Variants in XKR6 observed in about 807,000 individuals in gnomAD.
The protein encoded by XKR6 is XK-related protein 6.
Under a neutral mutation model 56.7 loss-of-function variants are expected in XKR6, and 22 were observed. That is an observed-to-expected ratio of 0.39 (90% confidence interval 0.28 to 0.55). XKR6 has a LOEUF of 0.55. Among genes scored for constraint, XKR6 ranks in the 20% least tolerant of loss-of-function variants. The probability of loss-of-function intolerance (pLI) is 0.66; values close to 1 mark genes in which losing one functional copy is unlikely to be tolerated. For missense variants in XKR6, 852 were observed against 889.0 expected, an observed-to-expected ratio of 0.96 and a Z score of 0.53; for synonymous variants, 524 against 387.8, an observed-to-expected ratio of 1.35 and a Z score of -4.13.
intron 1 of XKR6, among the ~76,000 whole-genome samples, chr8:10,993,731 A>T (rs1450654894): frequency 6.6e-6 from 1 of 152,020 alleles, no homozygotes; most frequent in Non-Finnish European, 1.5e-5. Context: ...TTGACTTCTG[A>T]CCCACTCATG....
chr8:11,178,011 C>T (rs1190643210), intron 1 of XKR6, among the ~76,000 whole-genome samples: 1 of 152,096 alleles, frequency 6.6e-6, no homozygotes, highest in African/African-American at 2.4e-5. Context: ...TCCCATCGCA[C>T]CTGGTTTACT....
chr8:10,997,128 A>G (rs913287087), intron 1 of XKR6, among the ~76,000 whole-genome samples: 1 of 151,760 alleles, frequency 6.6e-6, no homozygotes, highest in African/African-American at 2.4e-5. Context: ...CTTTTCTCAA[A>G]CTCCATCATC....
chr8:11,084,755 G>A (rs965372826), intron 1 of XKR6, among the ~76,000 whole-genome samples: 2 of 152,182 alleles, frequency 1.3e-5, no homozygotes, highest in African/African-American at 4.8e-5. Flanking sequence ...TATTTCCCAA[G>A]GCTCAGAGAA....
chr8:10,962,372 G>C (rs755655406), intron 1 of XKR6, among the ~76,000 whole-genome samples: 2 of 152,170 alleles, frequency 1.3e-5, no homozygotes, highest in Non-Finnish European at 2.9e-5. Context: ...TGCTGGGCTG[G>C]GAGTCAGGCT....
chr8:10,984,469 C>T (rs1325987263), intron 1 of XKR6, among the ~76,000 whole-genome samples: 2 of 151,498 alleles, frequency 1.3e-5, no homozygotes, highest in African/African-American at 4.9e-5. Flanking sequence ...GATCTATAGG[C>T]AGCAAGTGGT....
rs1802383595 is a variant in XKR6, at chr8:11,171,775, A to G, written c.764+28801T>C. ...TTTAAAAGTTACCCAGTCTCGGGCC[A>G]GGTGCAGTGACTCACGCCTGTAATC... On this transcript the variant is annotated intron_variant, in intron 1 of 2. Coordinates refer to ENST00000416569, the MANE Select transcript of XKR6 (RefSeq NM_173683.4). Among the ~76,000 whole-genome samples the G allele has an allele frequency of 2.0e-5, 3 of 152,292 alleles. No individual in the cohort carries two copies. In the South Asian group the frequency reaches 6.2e-4, roughly 32 times the overall value.
chr8:11,122,617 G>A (rs1799511808), intron 1 of XKR6, among the ~76,000 whole-genome samples: 1 of 152,172 alleles, frequency 6.6e-6, no homozygotes, highest in Non-Finnish European at 1.5e-5. Flanking sequence ...TTAGATATCA[G>A]GCCAATTCTT....
At chr8:10,926,806 C>T (rs1342058453) in intron 1 of XKR6, among the ~76,000 whole-genome samples, 4 of 152,216 alleles carry the variant, frequency 2.6e-5, no homozygotes, top group Non-Finnish European at 5.9e-5. Context: ...TGCTCTGGGC[C>T]CCTGCCCGTG....
At chr8:11,016,039 C>T (rs1798612145) in intron 1 of XKR6, among the ~76,000 whole-genome samples, 1 of 152,150 alleles carries the variant, frequency 6.6e-6, no homozygotes, top group South Asian at 2.1e-4. Context: ...CCCGCACCGT[C>T]GGCGATCCCT....
intron 1 of XKR6, among the ~76,000 whole-genome samples, chr8:10,955,961 G>C (rs974885184): frequency 1.3e-5 from 2 of 152,238 alleles, no homozygotes; most frequent in African/African-American, 4.8e-5. Flanking sequence ...CTGAGTGGCT[G>C]CTCGGTGAGA....
chr8:11,086,301 C>T (rs1264035298), intron 1 of XKR6, among the ~76,000 whole-genome samples: 5 of 152,062 alleles, frequency 3.3e-5, no homozygotes, highest in Non-Finnish European at 7.4e-5. Context: ...TTGTACTTGG[C>T]CTGACCTGCA....
intron 1 of XKR6, among the ~76,000 whole-genome samples, chr8:11,013,735 T>A (rs1363799137): frequency 1.3e-5 from 2 of 152,202 alleles, no homozygotes; most frequent in Admixed American, 1.3e-4. Context: ...TTCATGTTTA[T>A]ACCAATTCCC....
At chr8:11,124,180 T>C (rs1434225856) in intron 1 of XKR6, 2 of 358,696 alleles carry the variant, frequency 5.6e-6, no homozygotes, top group East Asian at 7.4e-5. Context: ...GTTTAATCAT[T>C]TGAGGGAGAA....
At chr8:11,058,754 G>C (rs1799750958) in intron 1 of XKR6, among the ~76,000 whole-genome samples, 1 of 152,162 alleles carries the variant, frequency 6.6e-6, no homozygotes, top group Non-Finnish European at 1.5e-5. Flanking sequence ...TTGAAACCTA[G>C]ATGGCGGGTT....
intron 2 of XKR6, among the ~76,000 whole-genome samples, chr8:10,921,115 AG>A (rs1800695818): frequency 1.3e-5 from 2 of 152,238 alleles, no homozygotes; most frequent in African/African-American, 4.8e-5. Context: ...CCCTGGCCCC[AG>A]TGGGCTCCCA....
chr8:10,943,359 T>C (rs1801442431), intron 1 of XKR6, among the ~76,000 whole-genome samples: 1 of 152,140 alleles, frequency 6.6e-6, no homozygotes, highest in African/African-American at 2.4e-5. Context: ...GTGGCCTCCA[T>C]TGCCTCTGCA....
intron 2 of XKR6, among the ~76,000 whole-genome samples, chr8:10,911,707 G>A (rs1800375792): frequency 6.9e-6 from 1 of 144,776 alleles, no homozygotes; most frequent in Non-Finnish European, 1.5e-5. Context: ...TACACATGTA[G>A]AGAGAGAGAG....
intron 1 of XKR6, among the ~76,000 whole-genome samples, chr8:10,979,585 G>A (rs1278507789): frequency 6.6e-6 from 1 of 152,236 alleles, no homozygotes; most frequent in Non-Finnish European, 1.5e-5. Context: ...CACTTCACCT[G>A]CCTAAGCCAT....
In XKR6 at chr8:11,118,025, T is replaced by G. The variant is rs538375405; in HGVS notation, c.764+82551A>C. 1.4e-4 allele frequency among the ~76,000 whole-genome samples: 22 copies of G among 152,312 alleles called. No individual in the cohort carries two copies. The South Asian group carries it at 4.6e-3, about 32-fold the overall frequency. The stretch of plus-strand genomic sequence containing the variant: ...GAGGTATACACCAGCACCAACTTTT[T>G]GAAGAATAATGACGTTATTTACCAA... On this transcript the variant is annotated intron_variant, in intron 1 of 2. Transcript: ENST00000416569.
Sources: allele counts gnomAD v4.1 joint callset (sites outside exome capture counted in the v4.1 genomes callset), GRCh38; gene constraint gnomAD v4.1.1; transcripts MANE v1.5; gene names NCBI Gene and HGNC (gene_info 2026-07-23, HGNC 2026-07-21).